The following POU6F2 variants were observed in gnomAD, a reference collection of about 807,000 sequenced individuals.
POU6F2 encodes POU class 6 homeobox 2.
POU6F2 carries 31 observed loss-of-function variants against 71.3 expected under a neutral mutation model. The ratio of observed to expected loss-of-function variants is 0.43; its 90% confidence interval spans 0.33 to 0.59. The LOEUF is 0.59. Among genes scored for constraint, POU6F2 ranks in the 20% least tolerant of loss-of-function variants. The pLI is 0.04. For missense variants in POU6F2, 783 were observed against 856.8 expected, an observed-to-expected ratio of 0.91 and a Z score of 1.07; for synonymous variants, 347 against 355.7, an observed-to-expected ratio of 0.98 and a Z score of 0.27.
intron 2 of POU6F2, among the ~76,000 whole-genome samples, chr7:39,111,635 A>G (rs1460582961): frequency 1.3e-5 from 2 of 152,186 alleles, no homozygotes; most frequent in African/African-American, 4.8e-5. Flanking sequence ...AGATATAGAG[A>G]TATAGGCAGA....
intron 2 of POU6F2, among the ~76,000 whole-genome samples, chr7:39,158,713 C>T (rs1179874926): frequency 6.6e-6 from 1 of 152,248 alleles, no homozygotes; most frequent in East Asian, 1.9e-4. Flanking sequence ...AGGCCCCCAC[C>T]AATTGGATGG....
chr7:39,174,247 T>C (rs11975786), intron 2 of POU6F2, among the ~76,000 whole-genome samples: 75 of 152,322 alleles, frequency 4.9e-4, no homozygotes, highest in African/African-American at 1.8e-3. Context: ...GCAAATGCTC[T>C]TGCTGACCAA....
chr7:39,130,180 G>T (rs1026424894), intron 2 of POU6F2, among the ~76,000 whole-genome samples: 57 of 130,044 alleles, frequency 4.4e-4, no homozygotes, highest in African/African-American at 1.6e-3. Context: ...GTGTGTGTGT[G>T]TTTTAATGTC....
At position 39,152,141 on chromosome 7, in the gene POU6F2, C is replaced by T. The variant is rs117077380; in HGVS notation, c.278-52094C>T. ...GTAGGGCTTTGTCTGAAACTGGAGT[C>T]CAAAAGTATCATGAAGATTCTTATC... On this transcript the variant is annotated intron_variant, in intron 2 of 9. Coordinates refer to ENST00000518318, the MANE Select transcript of POU6F2 (RefSeq NM_001370959.1). 4.9e-4 allele frequency among the ~76,000 whole-genome samples: 75 copies of T among 152,168 alleles called. No homozygotes were observed. In the East Asian group the frequency reaches 0.013, roughly 26 times the overall value.
intron 1 of POU6F2, among the ~76,000 whole-genome samples, chr7:39,024,197 G>C (rs967038596): frequency 6.6e-6 from 1 of 151,986 alleles, no homozygotes; most frequent in African/African-American, 2.4e-5. Context: ...GTGGTTTGTA[G>C]TTCTCCTTGA....
chr7:39,255,202 T>C (rs1783998106), intron 4 of POU6F2, among the ~76,000 whole-genome samples: 1 of 152,242 alleles, frequency 6.6e-6, no homozygotes, highest in South Asian at 2.1e-4. Flanking sequence ...GTGGTTCCTC[T>C]AAATACAAGT....
At chr7:39,281,114 T>TC (rs1253764864) in intron 4 of POU6F2, among the ~76,000 whole-genome samples, 1 of 149,058 alleles carries the variant, frequency 6.7e-6, no homozygotes, top group East Asian at 1.9e-4. Context: ...ATGTTTATAT[T>TC]TTTTTATTTT....
chr7:39,401,634 T>C (rs139603420), intron 5 of POU6F2, among the ~76,000 whole-genome samples: 18 of 152,334 alleles, frequency 1.2e-4, no homozygotes, highest in African/African-American at 3.8e-4. Context: ...AAGGTCCTAA[T>C]GTATGTAAAT....
intron 1 of POU6F2, among the ~76,000 whole-genome samples, chr7:39,028,415 C>T (rs143855135): frequency 2.0e-4 from 31 of 152,186 alleles, no homozygotes; most frequent in African/African-American, 6.5e-4. Context: ...AAGACATACT[C>T]TTTTATATTT....
chr7:39,030,851 G>GC (rs763326679), intron 1 of POU6F2, among the ~76,000 whole-genome samples: 1,747 of 148,244 alleles, frequency 0.012, 8 homozygotes, highest in Non-Finnish European at 0.017. Context: ...ATATCCTCCT[G>GC]CCCCCCCCAA....
At chr7:39,156,845 A>G (rs1361966931) in intron 2 of POU6F2, among the ~76,000 whole-genome samples, 1 of 152,204 alleles carries the variant, frequency 6.6e-6, no homozygotes, top group Non-Finnish European at 1.5e-5. Context: ...AGGAATGTCT[A>G]GATTTCAACC....
chr7:39,231,771 T>G lies in POU6F2; in HGVS notation c.598+24151T>G, dbSNP rs556468945. ...CTAGGGAATAGCCTGGATCCCTGAA[T>G]GACTGTGTGCGCCCCACTGGCCCTC... is the stretch of plus-strand genomic sequence containing the variant. On this transcript the variant is annotated intron_variant, in intron 4 of 9. Coordinates refer to ENST00000518318, the MANE Select transcript of POU6F2 (RefSeq NM_001370959.1). Among the ~76,000 whole-genome samples, 42 of 150,202 alleles carry G rather than the reference T, an allele frequency of 2.8e-4. No individual in the cohort carries two copies. The South Asian group carries it at 8.8e-3, about 31-fold the overall frequency.
chr7:39,139,269 G>A (rs965124665), intron 2 of POU6F2, among the ~76,000 whole-genome samples: 1 of 152,248 alleles, frequency 6.6e-6, no homozygotes, highest in African/African-American at 2.4e-5. Context: ...AACTTTGCTC[G>A]TGTATAATTT....
chr7:39,167,767 T>C (rs777892800), intron 2 of POU6F2, among the ~76,000 whole-genome samples: 1 of 152,032 alleles, frequency 6.6e-6, no homozygotes, highest in Admixed American at 6.5e-5. Flanking sequence ...ATTTTATGAA[T>C]ATTAATGCTC....
Position 39,339,972 on chromosome 7 carries a change from G to A in POU6F2, c.929G>A (p.Gly310Glu). Reference protein sequence around the residue: ...SPPQKPSQSPGHGLPSPLTPP... With the variant: ...SPPQKPSQSPEHGLPSPLTPP... ...CCGCAGAAACCTAGTCAGTCTCCAGGACATGGCCTGCCTTCACCGCTCACG... is the reference window on the plus strand; with the variant it reads ...CCGCAGAAACCTAGTCAGTCTCCAGAACATGGCCTGCCTTCACCGCTCACG... Residue 310 changes from glycine to glutamate, a missense_variant, in exon 5 of 10, where the codon GGA (glycine) becomes GAA (glutamate). Physicochemically the swap from Gly to Glu is moderately conservative, Grantham distance 98. Around this residue, in one of 2 missense-constraint regions of POU6F2, gnomAD observed 572 missense variants for 572.9 expected, o/e 1.00. Coordinates refer to ENST00000518318, the MANE Select transcript of POU6F2 (RefSeq NM_001370959.1). The A allele has an allele frequency of 1.9e-6, 3 of 1,613,438 alleles. No individual in the cohort carries two copies. The highest frequency in any genetic ancestry group is 2.2e-5 in the East Asian group (1 of 44,876).
intron 8 of POU6F2, among the ~76,000 whole-genome samples, chr7:39,453,053 T>C (rs1048374612): frequency 2.0e-5 from 3 of 152,156 alleles, no homozygotes; most frequent in South Asian, 4.1e-4. Flanking sequence ...GATCGCACCA[T>C]TGCACTCCAG....
At chr7:39,322,425 C>T (rs868206432) in intron 4 of POU6F2, among the ~76,000 whole-genome samples, 1 of 152,216 alleles carries the variant, frequency 6.6e-6, no homozygotes, top group Non-Finnish European at 1.5e-5. Flanking sequence ...TTATGTTTCT[C>T]TCCAGATTGA....
intron 1 of POU6F2, among the ~76,000 whole-genome samples, chr7:38,980,521 G>A (rs1454290633): frequency 6.6e-6 from 1 of 152,238 alleles, no homozygotes; most frequent in South Asian, 2.1e-4. Context: ...ATAGGGAAAA[G>A]AATGTGAAAA....
intron 1 of POU6F2, among the ~76,000 whole-genome samples, chr7:39,016,154 T>C (rs1384671829): frequency 9.3e-6 from 1 of 107,652 alleles, no homozygotes; most frequent in East Asian, 4.6e-4. Flanking sequence ...ATATTATATA[T>C]AGATATAATA....
Sources: gnomAD v4.1 joint callset for allele counts (sites outside exome capture counted in the v4.1 genomes callset) on GRCh38, gnomAD v4.1.1 for gene constraint, gnomAD v4.1.1 regional missense constraint, MANE v1.5 for transcripts, NCBI Gene and HGNC (gene_info 2026-07-23, HGNC 2026-07-21) for gene names.